Variants in TMEM131 observed in about 807,000 individuals in gnomAD.
TMEM131 encodes the protein transmembrane protein 131.
In TMEM131, 66 loss-of-function variants were observed where a neutral mutation model predicts 211.6. The ratio of observed to expected loss-of-function variants is 0.31; its 90% confidence interval spans 0.26 to 0.38. The LOEUF (loss-of-function observed/expected upper bound fraction) is 0.38. TMEM131 is among the 10% of genes least tolerant of loss of function. TMEM131 has a pLI of 1.00. For missense variants in TMEM131, 2,036 were observed against 2,299.3 expected (o/e 0.89, Z 2.34); for synonymous variants, 844 against 841.3 (o/e 1.00, Z -0.06).
At position 97,845,110 on chromosome 2, in the gene TMEM131, C is replaced by T. The variant is rs114175411; in HGVS notation, c.484-849G>A. ...ATTATTCTTTTGTTGCATTATATTA[C>T]GGTAATGTAGTGCAACAAAAGAATA... On this transcript the variant is annotated intron_variant, in intron 5 of 40. Transcript: ENST00000186436. Among the ~76,000 whole-genome samples the T allele has an allele frequency of 6.4e-3, 962 of 150,446 alleles. 15 individuals are homozygous for T. Among genetic ancestry groups the T allele is most frequent in the African/African-American group, 0.02 (823 of 41,124 alleles).
chr2:97,786,195 CT>C (rs1456126400), intron 31 of TMEM131, among the ~76,000 whole-genome samples: 1 of 152,082 alleles, frequency 6.6e-6, no homozygotes, highest in Non-Finnish European at 1.5e-5. Context: ...TATAAGAGAT[CT>C]CTGAATTTAT....
At chr2:97,926,093 A>T (rs1021373440) in intron 2 of TMEM131, among the ~76,000 whole-genome samples, 2 of 151,292 alleles carry the variant, frequency 1.3e-5, no homozygotes, top group African/African-American at 4.9e-5. Flanking sequence ...GGCCTGGGTG[A>T]CAGTGCGAGA....
rs560832122 is a variant in TMEM131 at position 97,812,147 on chromosome 2, T to C, written c.1863+274A>G. Reference sequence around the variant, plus strand: ...TTAGTACCCATGGGAATCTCTCCTGTAATGACACTTGTGTTACAAAAAGAT... The same window carrying C: ...TTAGTACCCATGGGAATCTCTCCTGCAATGACACTTGTGTTACAAAAAGAT... On this transcript the variant is annotated intron_variant, in intron 17 of 40. Transcript: ENST00000186436. Among the ~76,000 whole-genome samples the C allele has an allele frequency of 2.4e-4, 36 of 152,364 alleles. 2 individuals are homozygous for C. The East Asian group carries it at 3.5e-3, about 15-fold the overall frequency.
chr2:97,881,900 A>G (rs1317719916), intron 4 of TMEM131, among the ~76,000 whole-genome samples: 1 of 152,174 alleles, frequency 6.6e-6, no homozygotes, highest in Non-Finnish European at 1.5e-5. Context: ...TGAATCAACA[A>G]GTTGTATGCT....
At position 97,839,335 on chromosome 2, in the gene TMEM131, C is replaced by T. The variant is rs189210049; in HGVS notation, c.724-2178G>A. 9.4e-3 allele frequency among the ~76,000 whole-genome samples: 1,429 copies of T among 151,572 alleles called. 9 individuals are homozygous for T. The highest frequency in any genetic ancestry group is 0.02 in the Middle Eastern group (6 of 294). On this transcript the variant is annotated intron_variant, in intron 7 of 40. Transcript: ENST00000186436. ...GAAAACCAACCAACCAACCAACCAA[C>T]CAACCAACCAACCAACCAACCAACC...
chr2:97,826,504 C>T (rs1483514809), intron 11 of TMEM131, among the ~76,000 whole-genome samples: 5 of 151,900 alleles, frequency 3.3e-5, no homozygotes, highest in African/African-American at 1.2e-4. Context: ...GAAGGGAGAA[C>T]AGCAGCATAA....
At chr2:97,921,332 C>T (rs985916763) in intron 2 of TMEM131, among the ~76,000 whole-genome samples, 15 of 152,136 alleles carry the variant, frequency 9.9e-5, no homozygotes, top group African/African-American at 2.9e-4. Context: ...CTTGATCTCA[C>T]ATCAATAACA....
At chr2:97,926,529 T>C (rs1676999741) in intron 2 of TMEM131, among the ~76,000 whole-genome samples, 1 of 152,220 alleles carries the variant, frequency 6.6e-6, no homozygotes, top group African/African-American at 2.4e-5. Flanking sequence ...CATCTCAATA[T>C]TAGACATTCT....
At chr2:97,940,808 CAAAAA>C (rs1261852020) in intron 1 of TMEM131, among the ~76,000 whole-genome samples, 3 of 86,140 alleles carry the variant, frequency 3.5e-5, no homozygotes, top group Admixed American at 1.3e-4. Context: ...GACTCCATCT[CAAAAA>C]AAAAAAAAAA....
intron 5 of TMEM131, among the ~76,000 whole-genome samples, chr2:97,856,996 C>G (rs1673876428): frequency 6.6e-6 from 1 of 152,154 alleles, no homozygotes; most frequent in Non-Finnish European, 1.5e-5. Context: ...TCCTTGATTA[C>G]CTACACATTT....
In TMEM131 at chr2:97,759,654, C is replaced by A. The variant is rs777279725; in HGVS notation, c.5204G>T (p.Gly1735Val). 11 of 1,611,374 alleles carry A rather than the reference C, an allele frequency of 6.8e-6. No homozygotes were observed. In the African/African-American group the frequency reaches 1.3e-4, roughly 20 times the overall value. The change falls in exon 39 of 41, where the codon GGT becomes GTT. Residue 1735 changes from glycine to valine, a missense_variant and splice_region_variant. Physicochemically the swap from Gly to Val is moderately radical, Grantham distance 109. Around this residue, in one of 3 missense-constraint regions of TMEM131, gnomAD observed 1,623 missense variants for 1,805.9 expected, o/e 0.90. Transcript: ENST00000186436. ...SAFGNSFNLT[G>V]EVFSKLGLSR... Reference sequence around the variant, plus strand: ...CACATCTAGTGTTAAACACTCACCACCAGTTAGATTAAAAGAGTTTCCAAA... The same window carrying A: ...CACATCTAGTGTTAAACACTCACCAACAGTTAGATTAAAAGAGTTTCCAAA...
intron 4 of TMEM131, among the ~76,000 whole-genome samples, chr2:97,873,371 A>G: frequency 6.6e-6 from 1 of 152,138 alleles, no homozygotes; most frequent in South Asian, 2.1e-4. Flanking sequence ...AGAGCAGTGG[A>G]CCTCCCAGCA....
chr2:97,826,037 G>T (rs1020053666), intron 11 of TMEM131, among the ~76,000 whole-genome samples: 2 of 152,176 alleles, frequency 1.3e-5, no homozygotes, highest in African/African-American at 2.4e-5. Flanking sequence ...GGAACCAATC[G>T]AGCATGACTG....
intron 3 of TMEM131, among the ~76,000 whole-genome samples, chr2:97,900,511 T>A (rs1286796696): frequency 6.6e-6 from 1 of 152,024 alleles, no homozygotes; most frequent in South Asian, 2.1e-4. Flanking sequence ...CCTTATTTTT[T>A]AAGGCTTAAC....
chr2:97,818,588 C>T (rs751017375), intron 12 of TMEM131, 25 bp downstream of exon 12: 3 of 1,424,202 alleles, frequency 2.1e-6, no homozygotes, highest in Non-Finnish European at 2.9e-6. Context: ...ATCACTCTAT[C>T]AGAGAGAAAA....
intron 38 of TMEM131, 104 bp downstream of exon 38, chr2:97,760,488 TA>T: frequency 1.8e-6 from 2 of 1,092,924 alleles, no homozygotes; most frequent in South Asian, 1.4e-5. Flanking sequence ...TGCCTCCTTG[TA>T]AATTAGGGGA....
intron 4 of TMEM131, among the ~76,000 whole-genome samples, chr2:97,868,338 G>A (rs1312263271): frequency 1.3e-5 from 2 of 151,794 alleles, no homozygotes; most frequent in Non-Finnish European, 2.9e-5. Context: ...TATTGTCTAT[G>A]TCTTTATATA....
chr2:97,942,964 A>AAAAG (rs201054611), intron 1 of TMEM131, among the ~76,000 whole-genome samples: 15 of 146,138 alleles, frequency 1.0e-4, no homozygotes, highest in South Asian at 4.3e-4. Context: ...GCTACAAAAA[A>AAAAG]AAAGAAAGAA....
intron 8 of TMEM131, among the ~76,000 whole-genome samples, chr2:97,836,525 C>G (rs78302205): frequency 0.018 from 2,719 of 152,248 alleles, 116 homozygotes; most frequent in East Asian, 0.15. Flanking sequence ...CTTACATATT[C>G]TTTAATTTGG....
Sources: gnomAD v4.1 joint callset for allele counts (sites outside exome capture counted in the v4.1 genomes callset) on GRCh38, gnomAD v4.1.1 for gene constraint, gnomAD v4.1.1 regional missense constraint, MANE v1.5 for transcripts, NCBI Gene and HGNC (gene_info 2026-07-23, HGNC 2026-07-21) for gene names.